SORCS3: variants seen among roughly 807,000 people sequenced by gnomAD.
SORCS3 encodes the protein VPS10 domain-containing receptor SorCS3.
Under a neutral mutation model 146.3 loss-of-function variants are expected in SORCS3, and 57 were observed. The ratio of observed to expected loss-of-function variants is 0.39; its 90% CI spans 0.31 to 0.49. SORCS3 has a LOEUF of 0.49. Ranked by LOEUF, SORCS3 falls within the 20% of genes least tolerant of loss-of-function variation. SORCS3 has a pLI of 0.92. For synonymous variants in SORCS3, 653 were observed against 618.5 expected, an observed-to-expected ratio of 1.06 and a Z score of -0.83; for missense variants, 1,341 against 1,575.5, an observed-to-expected ratio of 0.85 and a Z score of 2.52.
At chr10:104,930,168 C>T (rs2019192446) in intron 3 of SORCS3, among the ~76,000 whole-genome samples, 1 of 151,944 alleles carries the variant, frequency 6.6e-6, no homozygotes, top group Admixed American at 6.5e-5. Flanking sequence ...TAATTGCTAA[C>T]ATTGTGCATT....
chr10:105,178,354 C>T (rs1267754919), intron 14 of SORCS3, among the ~76,000 whole-genome samples, 181 bp downstream of exon 14: 2 of 152,116 alleles, frequency 1.3e-5, no homozygotes, highest in Non-Finnish European at 2.9e-5. Context: ...AAGCTACTGC[C>T]AGGATTAGGG....
At chr10:104,791,479 G>T (rs577978279) in intron 1 of SORCS3, among the ~76,000 whole-genome samples, 5 of 152,170 alleles carry the variant, frequency 3.3e-5, no homozygotes, top group Non-Finnish European at 7.3e-5. Context: ...AAAGAGGCTC[G>T]GTGAGGTTCA....
intron 14 of SORCS3, among the ~76,000 whole-genome samples, chr10:105,181,990 C>A (rs1292980617): frequency 1.3e-5 from 2 of 152,028 alleles, no homozygotes; most frequent in Middle Eastern, 3.2e-3. Context: ...GTTTGAAATT[C>A]TTTCCTGATA....
At chr10:104,671,992 G>T (rs1229924712) in intron 1 of SORCS3, among the ~76,000 whole-genome samples, 1 of 152,014 alleles carries the variant, frequency 6.6e-6, no homozygotes, top group East Asian at 1.9e-4. Flanking sequence ...TGGCTTCATA[G>T]AATGAGTTAA....
chr10:104,999,108 G>GA (rs1322646365), intron 4 of SORCS3, among the ~76,000 whole-genome samples: 1 of 151,884 alleles, frequency 6.6e-6, no homozygotes, highest in East Asian at 1.9e-4. Flanking sequence ...GAAAAGGAGA[G>GA]AAAAAAATAC....
At chr10:104,684,806 TTTTTTTTTTTTTTTTTTTTTTTTTTTTA>T (rs2016025094) in intron 1 of SORCS3, among the ~76,000 whole-genome samples, 2 of 55,082 alleles carry the variant, frequency 3.6e-5, no homozygotes, top group African/African-American at 9.1e-5. Flanking sequence ...TTTTTTTTTT[TTTTTTTTTTTTTTTTTTTTTTTTTTTTA>T]TGAGACACAG....
At chr10:104,705,963 C>A (rs1332519032) in intron 1 of SORCS3, among the ~76,000 whole-genome samples, 4 of 152,166 alleles carry the variant, frequency 2.6e-5, no homozygotes, top group African/African-American at 9.7e-5. Flanking sequence ...AAGCCTAGAA[C>A]TTAACCACTG....
chr10:105,174,988 C>G (rs931492882), intron 13 of SORCS3, among the ~76,000 whole-genome samples: 3 of 152,124 alleles, frequency 2.0e-5, no homozygotes, highest in Admixed American at 6.5e-5. Flanking sequence ...GAAGACGACT[C>G]CTTCCCTGCA....
chr10:105,147,283 G>A (rs138808524), intron 8 of SORCS3, among the ~76,000 whole-genome samples: 65 of 152,234 alleles, frequency 4.3e-4, no homozygotes, highest in South Asian at 8.3e-4. Context: ...TTCATTGCAT[G>A]TGTGAGCTTC....
chr10:105,198,978 A>G (rs1032515369), intron 14 of SORCS3, among the ~76,000 whole-genome samples: 1 of 152,158 alleles, frequency 6.6e-6, no homozygotes, highest in African/African-American at 2.4e-5. Context: ...TTTAGAGAGC[A>G]TAAGAAAATG....
At chr10:105,086,994 GTCCTGGCCCATGCC>G (rs1564750459) in intron 5 of SORCS3, among the ~76,000 whole-genome samples, 9 of 33,188 alleles carry the variant, frequency 2.7e-4, no homozygotes, top group Non-Finnish European at 6.9e-5. Context: ...CCATGCCTAT[GTCCTGGCCCATGCC>G]TATGTCCTGA....
At chr10:104,925,278 G>A (rs1047599218) in intron 3 of SORCS3, among the ~76,000 whole-genome samples, 2 of 152,196 alleles carry the variant, frequency 1.3e-5, no homozygotes, top group African/African-American at 4.8e-5. Flanking sequence ...ACATGACTCG[G>A]TTGTCTTTTT....
intron 5 of SORCS3, among the ~76,000 whole-genome samples, chr10:105,053,558 G>A (rs2055426896): frequency 6.6e-6 from 1 of 151,732 alleles, no homozygotes; most frequent in East Asian, 1.9e-4. Context: ...AAAAAATCAA[G>A]TACGTCTTCA....
chr10:104,641,656 C>T lies in SORCS3; in HGVS notation c.329C>T (p.Pro110Leu), dbSNP rs371709473. 148 of 1,527,712 alleles carry T rather than the reference C, an allele frequency of 9.7e-5. No homozygotes were observed. The South Asian group carries it at 1.6e-3, about 17-fold the overall frequency. The allele number at this position is 1,527,712 out of a possible 1,614,324, so 94.6% of individuals were successfully genotyped here. ...CAGGTGGAAGCCGGAGGGACATCAC[C>T]GGCAGGCGAGCGGCGGGGCCGGGGC... ...EMQVEAGGTS[P>L]AGERRGRGIP... Residue 110 changes from proline to leucine, a missense_variant, in exon 1 of 27, where the codon CCG (proline) becomes CTG (leucine). Transcript: ENST00000369701. This position sits in a 1 kb window ranked among gnomAD's most constrained non-coding sequence, Gnocchi z 6.4.
At chr10:105,067,171 T>A (rs578083483) in intron 5 of SORCS3, among the ~76,000 whole-genome samples, 3 of 152,320 alleles carry the variant, frequency 2.0e-5, no homozygotes, top group African/African-American at 7.2e-5. Context: ...CCACTGTGCA[T>A]CTATATTTCA....
At chr10:104,821,882 A>G (rs959389740) in intron 1 of SORCS3, among the ~76,000 whole-genome samples, 1 of 152,146 alleles carries the variant, frequency 6.6e-6, no homozygotes, top group African/African-American at 2.4e-5. Context: ...AACTGTGTCT[A>G]ACACATTCCA....
intron 14 of SORCS3, among the ~76,000 whole-genome samples, chr10:105,198,117 G>A (rs1235352120): frequency 2.0e-5 from 3 of 152,090 alleles, no homozygotes; most frequent in East Asian, 1.9e-4. Context: ...CTGGTATCCA[G>A]GTAAATCATG....
intron 2 of SORCS3, among the ~76,000 whole-genome samples, chr10:104,887,755 A>G (rs1381081560): frequency 6.6e-6 from 1 of 152,062 alleles, no homozygotes; most frequent in African/African-American, 2.4e-5. Context: ...GTGCTCACTT[A>G]TTCTCACCTC....
At chr10:104,727,212 T>G (rs2133450199) in intron 1 of SORCS3, among the ~76,000 whole-genome samples, 1 of 152,310 alleles carries the variant, frequency 6.6e-6, no homozygotes, top group Non-Finnish European at 1.5e-5. Context: ...AAATTACCAT[T>G]GAATAAATTA....
Sources: gnomAD v4.1 joint callset for allele counts (sites outside exome capture counted in the v4.1 genomes callset) on GRCh38, gnomAD v4.1.1 for gene constraint, Gnocchi (gnomAD v3.1) non-coding constraint, MANE v1.5 for transcripts, NCBI Gene and HGNC (gene_info 2026-07-23, HGNC 2026-07-21) for gene names.